Variants in ENTPD1 observed in about 807,000 individuals in gnomAD.
ENTPD1 encodes ectonucleoside triphosphate diphosphohydrolase 1, also known as ATP diphosphohydrolase.
ENTPD1 carries 33 observed loss-of-function variants against 57.0 expected under a neutral mutation model. The observed-to-expected ratio is 0.58, with a 90% CI of 0.44 to 0.77. ENTPD1 has a LOEUF of 0.77. ENTPD1 is among the 30% of genes least tolerant of loss of function. ENTPD1 has a pLI of 0.00. For missense variants in ENTPD1, 501 were observed against 603.4 expected, an observed-to-expected ratio of 0.83 and a Z score of 1.78; for synonymous variants, 202 against 218.8, an observed-to-expected ratio of 0.92 and a Z score of 0.68.
intron 1 of ENTPD1, among the ~76,000 whole-genome samples, chr10:95,768,612 G>C (rs1215971609): frequency 6.7e-6 from 1 of 149,288 alleles, no homozygotes; most frequent in Non-Finnish European, 1.5e-5. Flanking sequence ...CTATATCACT[G>C]ATTCAATTTT....
chr10:95,781,687 G>T (rs944816978), intron 1 of ENTPD1, among the ~76,000 whole-genome samples: 1 of 152,206 alleles, frequency 6.6e-6, no homozygotes, highest in Admixed American at 6.5e-5. Flanking sequence ...GGGTGGAAAC[G>T]AAAAGAGGGC....
At chr10:95,793,837 G>A (rs994251375) in intron 1 of ENTPD1, among the ~76,000 whole-genome samples, 1 of 152,062 alleles carries the variant, frequency 6.6e-6, no homozygotes, top group African/African-American at 2.4e-5. Flanking sequence ...GAGCCACGGT[G>A]GGTGGTGGTT....
intron 7 of ENTPD1, among the ~76,000 whole-genome samples, chr10:95,857,816 G>A (rs1245914323): frequency 6.6e-6 from 1 of 152,190 alleles, no homozygotes; most frequent in Admixed American, 6.5e-5. Flanking sequence ...AAAGCAGGCA[G>A]ACATGAGACC....
At chr10:95,800,826 G>A (rs755711306) in intron 1 of ENTPD1, among the ~76,000 whole-genome samples, 3 of 152,026 alleles carry the variant, frequency 2.0e-5, no homozygotes, top group Non-Finnish European at 4.4e-5. Context: ...TTATTTTTCA[G>A]GGTGCACTGA....
intron 7 of ENTPD1, among the ~76,000 whole-genome samples, chr10:95,855,742 T>C (rs1339102294): frequency 2.0e-5 from 3 of 152,232 alleles, no homozygotes; most frequent in Non-Finnish European, 4.4e-5. Flanking sequence ...AATTCTTTTC[T>C]TTAAGAATGT....
chr10:95,839,026 C>T (rs1228393432), intron 2 of ENTPD1, among the ~76,000 whole-genome samples: 1 of 152,042 alleles, frequency 6.6e-6, no homozygotes, highest in East Asian at 1.9e-4. Context: ...CAGTTATATT[C>T]ATAATTTAAA....
chr10:95,844,156 A>C (rs1219514409), intron 4 of ENTPD1, among the ~76,000 whole-genome samples: 1 of 152,196 alleles, frequency 6.6e-6, no homozygotes, highest in African/African-American at 2.4e-5. Context: ...CCCAGCTATC[A>C]CCACCACAGT....
At chr10:95,813,161 G>A (rs1300591971) in intron 1 of ENTPD1, among the ~76,000 whole-genome samples, 1 of 152,202 alleles carries the variant, frequency 6.6e-6, no homozygotes, top group Non-Finnish European at 1.5e-5. Flanking sequence ...TGGCCATTTT[G>A]ACAGGTTGGG....
At chr10:95,706,154 CATATT>C in the ENTPD1 span, among the ~76,000 whole-genome samples, 11 of 152,222 alleles carry the variant, frequency 7.2e-5, no homozygotes, top group East Asian at 1.9e-4. Flanking sequence ...CACAAAAGAA[CATATT>C]ATATTAATTC....
At position 95,866,249 on chromosome 10, in the gene ENTPD1, C is replaced by T; in HGVS notation, c.1399C>T (p.Pro467Ser). The T allele has an allele frequency of 6.2e-7, 1 of 1,614,178 alleles. No individual in the cohort carries two copies. ...NLTNMIPAEQ[P>S]LSTPLSHSTY... ...GACCAACATGATCCCAGCTGAGCAA[C>T]CATTGTCCACACCTCTCTCCCACTC... The change falls in exon 10 of 10, where the codon CCA (proline) becomes TCA (serine). Residue 467 changes from proline to serine, a missense_variant. Coordinates refer to ENST00000371205, the MANE Select transcript of ENTPD1 (RefSeq NM_001776.6).
chr10:95,853,530 C>T (rs1459569288), intron 7 of ENTPD1, among the ~76,000 whole-genome samples: 1 of 152,108 alleles, frequency 6.6e-6, no homozygotes, highest in Non-Finnish European at 1.5e-5. Context: ...GGGAATGCTT[C>T]CAGTTTTTGC....
At chr10:95,807,772 T>C (rs2098279276) in intron 1 of ENTPD1, among the ~76,000 whole-genome samples, 3 of 152,216 alleles carry the variant, frequency 2.0e-5, no homozygotes, top group Admixed American at 6.5e-5. Context: ...TGATTTTGTA[T>C]TCTGAGACTT....
At chr10:95,865,476 G>C (rs567114258) in intron 9 of ENTPD1, among the ~76,000 whole-genome samples, 22 of 152,182 alleles carry the variant, frequency 1.4e-4, no homozygotes, top group African/African-American at 1.9e-4. Context: ...AGAGCAGTGT[G>C]TCTCTACCTT....
the ENTPD1 span, among the ~76,000 whole-genome samples, chr10:95,701,424 T>A: frequency 6.6e-6 from 1 of 152,232 alleles, no homozygotes; most frequent in Non-Finnish European, 1.5e-5. Context: ...CTAAAGACAT[T>A]GTTTTAAAAT....
intron 1 of ENTPD1, among the ~76,000 whole-genome samples, chr10:95,790,630 C>T (rs541829277): frequency 6.6e-6 from 1 of 152,284 alleles, no homozygotes; most frequent in East Asian, 1.9e-4. Flanking sequence ...CTATCACTTT[C>T]CTCCCAACCA....
intron 1 of ENTPD1, among the ~76,000 whole-genome samples, chr10:95,784,698 C>T (rs1363604396): frequency 1.3e-5 from 2 of 152,162 alleles, no homozygotes; most frequent in Non-Finnish European, 2.9e-5. Context: ...GTACTCTTTT[C>T]CCTCAGGCTG....
chr10:95,785,559 T>A (rs1382828768), intron 1 of ENTPD1, among the ~76,000 whole-genome samples: 1 of 152,214 alleles, frequency 6.6e-6, no homozygotes, highest in Non-Finnish European at 1.5e-5. Flanking sequence ...CAGCAACTTA[T>A]GAAGCAGAAA....
At chr10:95,831,634 T>C (rs1283686885) in intron 2 of ENTPD1, among the ~76,000 whole-genome samples, 3 of 152,256 alleles carry the variant, frequency 2.0e-5, no homozygotes, top group African/African-American at 4.8e-5. Flanking sequence ...CCCATCTGAC[T>C]TGCCCTTGTC....
chr10:95,818,003 C>T (rs2098335849), intron 1 of ENTPD1, among the ~76,000 whole-genome samples: 1 of 152,136 alleles, frequency 6.6e-6, no homozygotes, highest in South Asian at 2.1e-4. Context: ...AACTCCCAAA[C>T]TGAAATGGTT....
Sources: allele counts gnomAD v4.1 joint callset (sites outside exome capture counted in the v4.1 genomes callset), GRCh38; gene constraint gnomAD v4.1.1; transcripts MANE v1.5; gene names NCBI Gene and HGNC (gene_info 2026-07-23, HGNC 2026-07-21).